Variants in RIC1 observed in about 807,000 individuals in gnomAD.
RIC1 encodes the protein guanine nucleotide exchange factor subunit RIC1.
In RIC1, 88 loss-of-function variants were observed where a neutral mutation model predicts 169.0. The ratio of observed to expected loss-of-function variants is 0.52; its 90% CI spans 0.44 to 0.62. RIC1 has a LOEUF of 0.62. Among genes scored for constraint, RIC1 ranks in the 20% least tolerant of loss-of-function variants. RIC1 has a pLI of 0.00. For synonymous variants in RIC1, 790 were observed against 601.5 expected, an observed-to-expected ratio of 1.31 and a Z score of -4.59; for missense variants, 1,877 against 1,725.5, an observed-to-expected ratio of 1.09 and a Z score of -1.56.
chr9:5,705,848 T>G (rs1822553787), intron 3 of RIC1, among the ~76,000 whole-genome samples: 1 of 152,234 alleles, frequency 6.6e-6, no homozygotes, highest in African/African-American at 2.4e-5. Flanking sequence ...GTTTTTATCT[T>G]AAAAGATTAT....
At chr9:5,693,476 A>C (rs1043581427) in intron 3 of RIC1, among the ~76,000 whole-genome samples, 4 of 152,146 alleles carry the variant, frequency 2.6e-5, no homozygotes, top group African/African-American at 9.7e-5. Context: ...CTGTACCTCA[A>C]AGATCATTTA....
intron 3 of RIC1, among the ~76,000 whole-genome samples, chr9:5,705,647 T>C (rs900644365): frequency 6.6e-6 from 1 of 152,196 alleles, no homozygotes; most frequent in African/African-American, 2.4e-5. Flanking sequence ...TTGATTGCTG[T>C]CTAGAATGTC....
In RIC1 at chr9:5,743,020, C is replaced by A; in HGVS notation, c.1046+7C>A. On this transcript the variant is annotated splice_region_variant and intron_variant, in intron 9 of 25. Coordinates refer to ENST00000414202, the MANE Select transcript of RIC1 (RefSeq NM_020829.4). ...CACTTGGAGGAGATTTTGCGTAAGTCAAAAAAGACAATTTTTAGATAAAAT... is the reference window on the plus strand; with the variant it reads ...CACTTGGAGGAGATTTTGCGTAAGTAAAAAAAGACAATTTTTAGATAAAAT... The A allele has an allele frequency of 6.3e-7, 1 of 1,596,608 alleles. No individual in the cohort carries two copies. Among genetic ancestry groups the A allele is most frequent in the Non-Finnish European group, 8.5e-7 (1 of 1,175,222 alleles).
At position 5,762,544 on chromosome 9, in the gene RIC1, C is replaced by T. The variant is rs372241195; in HGVS notation, c.1996C>T (p.Arg666Cys). 30 of 1,613,202 alleles carry T rather than the reference C, an allele frequency of 1.9e-5. No individual in the cohort carries two copies. The highest frequency in any genetic ancestry group is 3.3e-5 in the Admixed American group (2 of 59,906). The change falls in exon 18 of 26, where the codon CGT becomes TGT. Residue 666 changes from arginine to cysteine, a missense_variant. Around this residue, in one of 3 missense-constraint regions of RIC1, gnomAD observed 1,104 missense variants for 992.0 expected, o/e 1.11. Coordinates refer to ENST00000414202, the MANE Select transcript of RIC1 (RefSeq NM_020829.4). ...GITLKMPQQA[R>C]GAESIMLNLA... is the part of the protein sequence containing the mutation. The stretch of plus-strand genomic sequence containing the variant: ...GCTGCTTTTTCTTAAATTTCAGGCT[C>T]GTGGTGCAGAGAGCATTATGTTAAA...
At chr9:5,649,169 C>G (rs758087542) in intron 1 of RIC1, among the ~76,000 whole-genome samples, 13 of 152,072 alleles carry the variant, frequency 8.5e-5, no homozygotes, top group Non-Finnish European at 1.3e-4. Flanking sequence ...AAAACTATAT[C>G]AAGTGTCTTC....
intron 6 of RIC1, among the ~76,000 whole-genome samples, chr9:5,725,495 T>C (rs1258413975): frequency 1.3e-5 from 2 of 152,176 alleles, no homozygotes; most frequent in Non-Finnish European, 2.9e-5. Context: ...TCGTCAGTCT[T>C]TTCAAAAAAC....
At chr9:5,747,143 T>C (rs1239272958) in intron 11 of RIC1, among the ~76,000 whole-genome samples, 159 bp from the exon 12 acceptor site, 1 of 152,250 alleles carries the variant, frequency 6.6e-6, no homozygotes, top group African/African-American at 2.4e-5. Context: ...CATGAGATTA[T>C]TGTGTAGTCT....
At chr9:5,652,843 A>G (rs370838388) in intron 1 of RIC1, among the ~76,000 whole-genome samples, 2 of 152,154 alleles carry the variant, frequency 1.3e-5, no homozygotes, top group Non-Finnish European at 2.9e-5. Flanking sequence ...TGGGTTTGTC[A>G]TATATGGCTT....
intron 1 of RIC1, among the ~76,000 whole-genome samples, chr9:5,636,288 T>C (rs1355335444): frequency 6.6e-6 from 1 of 152,166 alleles, no homozygotes; most frequent in Non-Finnish European, 1.5e-5. Context: ...TTTAGTTTTT[T>C]GGAGCTACCA....
chr9:5,747,533 G>C (rs1184461869), intron 12 of RIC1, 28 bp downstream of exon 12: 2 of 1,565,042 alleles, frequency 1.3e-6, no homozygotes, highest in Non-Finnish European at 1.8e-6. Context: ...GATTACTAGA[G>C]ACTTATTCTT....
At chr9:5,737,740 G>A (rs1274247283) in intron 7 of RIC1, among the ~76,000 whole-genome samples, 1 of 151,276 alleles carries the variant, frequency 6.6e-6, no homozygotes, top group African/African-American at 2.4e-5. Flanking sequence ...GCATACTGTT[G>A]ACTGGAAACC....
At chr9:5,666,995 T>A (rs1359646606) in intron 2 of RIC1, among the ~76,000 whole-genome samples, 2 of 152,224 alleles carry the variant, frequency 1.3e-5, no homozygotes, top group Admixed American at 1.3e-4. Flanking sequence ...TTTCTTAACT[T>A]ACCTAGAGGT....
rs117192860 is a variant in RIC1 at position 5,646,756 on chromosome 9, A to T, written c.145-9827A>T. 2.5e-4 allele frequency among the ~76,000 whole-genome samples: 38 copies of T among 152,296 alleles called. No individual in the cohort carries two copies. In the East Asian group the frequency reaches 6.9e-3, roughly 28 times the overall value. On this transcript the variant is annotated intron_variant, in intron 1 of 25. Transcript: ENST00000414202. ...CGTGACTGTATTTTCTTCTGTTTCA[A>T]GGGTTACATTTTTACTCTCTTTGTA...
At chr9:5,651,858 G>A (rs887643517) in intron 1 of RIC1, among the ~76,000 whole-genome samples, 7 of 152,146 alleles carry the variant, frequency 4.6e-5, no homozygotes, top group South Asian at 2.1e-4. Flanking sequence ...ATGAGCCACC[G>A]CACCTAGCCT....
intron 2 of RIC1, 152 bp downstream of exon 2, chr9:5,656,842 G>C: frequency 1.9e-6 from 1 of 525,694 alleles, no homozygotes; most frequent in Non-Finnish European, 3.4e-6. Flanking sequence ...TATTCTATGT[G>C]GATTACTCCT....
Position 5,772,693 on chromosome 9 carries a change from C to A in RIC1, c.3746C>A (p.Ser1249Tyr), listed in dbSNP as rs780859983. 2 of 1,613,416 alleles carry A rather than the reference C, an allele frequency of 1.2e-6. No homozygotes were observed. Among genetic ancestry groups the A allele is most frequent in the Admixed American group, 3.3e-5 (2 of 59,850 alleles). Residue 1249 changes from serine to tyrosine, a missense_variant, in exon 24 of 26, where the codon TCC becomes TAC. Coordinates refer to ENST00000414202, the MANE Select transcript of RIC1 (RefSeq NM_020829.4). ...SLTQSELEHISMELASKGPHK... is the reference protein window; with the variant it reads ...SLTQSELEHIYMELASKGPHK... ...ACTCAGTCAGAGCTGGAGCACATTTCCATGGAGTTGGCCAGTAAAGGGCCT... is the reference window on the plus strand; with the variant it reads ...ACTCAGTCAGAGCTGGAGCACATTTACATGGAGTTGGCCAGTAAAGGGCCT...
At chr9:5,639,473 G>T (rs1563860952) in intron 1 of RIC1, among the ~76,000 whole-genome samples, 1 of 152,114 alleles carries the variant, frequency 6.6e-6, no homozygotes, top group Admixed American at 6.5e-5. Flanking sequence ...TATTATTTCA[G>T]TTTTTTTGAA....
At chr9:5,675,443 C>T (rs1820383682) in intron 2 of RIC1, among the ~76,000 whole-genome samples, 1 of 152,134 alleles carries the variant, frequency 6.6e-6, no homozygotes, top group Non-Finnish European at 1.5e-5. Context: ...GAACTCCTAT[C>T]TAACAACTAT....
At chr9:5,681,213 G>A (rs775352039) in intron 2 of RIC1, among the ~76,000 whole-genome samples, 1 of 152,024 alleles carries the variant, frequency 6.6e-6, no homozygotes, top group Non-Finnish European at 1.5e-5. Context: ...GCTTTTGAAT[G>A]TGTTTGCTCT....
Sources: gnomAD v4.1 joint callset for allele counts (sites outside exome capture counted in the v4.1 genomes callset) on GRCh38, gnomAD v4.1.1 for gene constraint, gnomAD v4.1.1 regional missense constraint, MANE v1.5 for transcripts, NCBI Gene and HGNC (gene_info 2026-07-23, HGNC 2026-07-21) for gene names.